Variants in SEMA3A observed in about 807,000 individuals in gnomAD.
SEMA3A encodes the protein semaphorin-3A.
SEMA3A carries 29 observed loss-of-function variants against 97.9 expected under a neutral mutation model. The ratio of observed to expected loss-of-function variants is 0.30; its 90% CI spans 0.22 to 0.40. The LOEUF is 0.40. Among genes scored for constraint, SEMA3A ranks in the 10% least tolerant of loss-of-function variants. SEMA3A has a pLI of 1.00. For missense variants in SEMA3A, 763 were observed against 951.3 expected (o/e 0.80, Z 2.60); for synonymous variants, 321 against 323.7 (o/e 0.99, Z 0.09).
chr7:84,140,661 C>T (rs1424611778), intron 1 of SEMA3A, among the ~76,000 whole-genome samples: 2 of 152,072 alleles, frequency 1.3e-5, no homozygotes, highest in East Asian at 3.9e-4. Context: ...ATGATGACCA[C>T]ATCTAGATAT....
intron 1 of SEMA3A, among the ~76,000 whole-genome samples, chr7:84,405,595 C>A (rs1192250926): frequency 1.3e-5 from 2 of 152,060 alleles, no homozygotes; most frequent in Non-Finnish European, 2.9e-5. Context: ...AATATGCATT[C>A]TTTGCAGCAC....
At chr7:84,467,480 C>T (rs1375433108) in intron 1 of SEMA3A, among the ~76,000 whole-genome samples, 1 of 149,112 alleles carries the variant, frequency 6.7e-6, no homozygotes, top group East Asian at 2.0e-4. Context: ...TGAGGATGCG[C>T]CACTGCACTG....
rs1788314355 is a variant in SEMA3A, at chr7:83,957,431, T to C, written c.*3940A>G. The C allele has an allele frequency of 6.6e-6, 1 of 152,118 alleles. No individual in the cohort carries two copies. The highest frequency in any genetic ancestry group is 1.5e-5 in the Non-Finnish European group (1 of 67,976). 9.4% of individuals were successfully genotyped at this position (152,118 alleles called of 1,614,324 possible). On this transcript the variant is annotated 3_prime_UTR_variant, in exon 17 of 17. Transcript: ENST00000265362. ...AGCTGGTTCTAAAAGGCAAAGTGTCTAGAGGCCCAGTTTTTTAATATTCAA... is the reference window on the plus strand; with the variant it reads ...AGCTGGTTCTAAAAGGCAAAGTGTCCAGAGGCCCAGTTTTTTAATATTCAA...
intron 11 of SEMA3A, among the ~76,000 whole-genome samples, chr7:84,004,545 T>C (rs1790587750): frequency 7.9e-5 from 12 of 152,130 alleles, no homozygotes; most frequent in Admixed American, 7.9e-4. Context: ...TGTACTAATA[T>C]TCTGGAACTA....
At chr7:84,115,723 A>C (rs995866) in intron 3 of SEMA3A, among the ~76,000 whole-genome samples, 74,069 of 151,966 alleles carry the variant, frequency 0.49, 19,211 homozygotes, top group East Asian at 0.69. Context: ...GCAGACAATT[A>C]AAAATATTCT....
chr7:84,118,550 C>T (rs1281038680), intron 3 of SEMA3A, among the ~76,000 whole-genome samples: 2 of 152,144 alleles, frequency 1.3e-5, no homozygotes, highest in Non-Finnish European at 2.9e-5. Context: ...GCCTCCAGGT[C>T]CTCTGGCTTC....
At chr7:84,005,313 T>G in intron 11 of SEMA3A, 26 bp downstream of exon 11, 1 of 1,556,130 alleles carries the variant, frequency 6.4e-7, no homozygotes. Context: ...CGGAAAAAAG[T>G]TTACAGCTGA....
Position 84,420,765 on chromosome 7 carries a change from G to C in SEMA3A, c.-245-48865C>G, listed in dbSNP as rs574382761. Among the ~76,000 whole-genome samples the C allele has an allele frequency of 5.9e-4, 90 of 152,138 alleles. 1 individual carries two copies. The South Asian group carries it at 0.018, about 31-fold the overall frequency. On this transcript the variant is annotated intron_variant, in intron 1 of 3. Transcript: ENST00000424555. Reference sequence around the variant, plus strand: ...TTATTCATTTCTTCTAGATTTTCTAGTTTATTTGCCTAGAGGTGTATATAG... The same window carrying C: ...TTATTCATTTCTTCTAGATTTTCTACTTTATTTGCCTAGAGGTGTATATAG...
At chr7:84,437,770 T>C (rs1415455195) in intron 1 of SEMA3A, among the ~76,000 whole-genome samples, 1 of 151,864 alleles carries the variant, frequency 6.6e-6, no homozygotes, top group Non-Finnish European at 1.5e-5. Context: ...TAATAGAACA[T>C]CAGAAAACTG....
At chr7:84,251,965 G>A (rs1047853538) in intron 3 of SEMA3A, among the ~76,000 whole-genome samples, 4 of 152,172 alleles carry the variant, frequency 2.6e-5, no homozygotes, top group African/African-American at 9.6e-5. Context: ...TTTGGAGGGG[G>A]AATTATTCTT....
Position 84,404,633 on chromosome 7 carries a change from G to A in SEMA3A, c.-245-32733C>T, listed in dbSNP as rs1197412741. Reference sequence around the variant, plus strand: ...TGAAATGAAGGAAAAAATGTTAAGGGCAGCCAGAGAGAAAGGTCGGGTTAC... The same window carrying A: ...TGAAATGAAGGAAAAAATGTTAAGGACAGCCAGAGAGAAAGGTCGGGTTAC... On this transcript the variant is annotated intron_variant, in intron 1 of 3. Coordinates refer to the SEMA3A transcript ENST00000424555. Among the ~76,000 whole-genome samples the A allele has an allele frequency of 3.2e-4, 49 of 152,250 alleles. No individual in the cohort carries two copies. The East Asian group carries it at 3.3e-3, about 10-fold the overall frequency.
chr7:84,484,069 A>G (rs1040143912), intron 1 of SEMA3A, among the ~76,000 whole-genome samples: 1 of 151,952 alleles, frequency 6.6e-6, no homozygotes. Context: ...AAAAAAAAGA[A>G]AAAATCTGGG....
chr7:84,007,155 C>A (rs1337141824), intron 10 of SEMA3A, among the ~76,000 whole-genome samples, 198 bp downstream of exon 10: 1 of 152,102 alleles, frequency 6.6e-6, no homozygotes, highest in Non-Finnish European at 1.5e-5. Flanking sequence ...AATTTAAGAA[C>A]TGACATCTGT....
At chr7:83,972,533 T>C (rs1038696222) in intron 15 of SEMA3A, among the ~76,000 whole-genome samples, 1 of 152,020 alleles carries the variant, frequency 6.6e-6, no homozygotes, top group Non-Finnish European at 1.5e-5. Flanking sequence ...TCAGGAAACA[T>C]GGACTTTAAT....
chr7:84,362,822 A>T (rs891054293), intron 2 of SEMA3A, among the ~76,000 whole-genome samples: 2 of 151,980 alleles, frequency 1.3e-5, no homozygotes, highest in African/African-American at 4.8e-5. Flanking sequence ...AACACAAAGT[A>T]ATTGTCATAA....
At chr7:84,208,313 G>T (rs962187046) in intron 3 of SEMA3A, among the ~76,000 whole-genome samples, 1 of 151,728 alleles carries the variant, frequency 6.6e-6, no homozygotes, top group Non-Finnish European at 1.5e-5. Flanking sequence ...TTAGCTGGGT[G>T]TGGTGGCGGG....
At chr7:84,089,801 C>T (rs973592672) in intron 4 of SEMA3A, among the ~76,000 whole-genome samples, 3 of 143,764 alleles carry the variant, frequency 2.1e-5, no homozygotes, top group Non-Finnish European at 4.7e-5. Context: ...CTTTATATAC[C>T]TAGATTTATT....
chr7:84,401,173 T>C (rs1222195540), intron 1 of SEMA3A, among the ~76,000 whole-genome samples: 1 of 152,130 alleles, frequency 6.6e-6, no homozygotes, highest in Non-Finnish European at 1.5e-5. Context: ...AGATTGCGTG[T>C]TACAAAATCA....
chr7:84,037,668 T>C (rs959979138), intron 6 of SEMA3A, among the ~76,000 whole-genome samples: 1 of 152,128 alleles, frequency 6.6e-6, no homozygotes. Context: ...ACCATACTTC[T>C]AATGACAAAA....
Sources: allele counts gnomAD v4.1 joint callset (sites outside exome capture counted in the v4.1 genomes callset), GRCh38; gene constraint gnomAD v4.1.1; transcripts MANE v1.5; gene names NCBI Gene and HGNC (gene_info 2026-07-23, HGNC 2026-07-21).